The following RIMS2 variants were observed in gnomAD, a reference collection of about 807,000 sequenced individuals.
The protein encoded by RIMS2 is regulating synaptic membrane exocytosis protein 2.
In RIMS2, 59 loss-of-function variants were observed where a neutral mutation model predicts 174.4. The ratio of observed to expected loss-of-function variants is 0.34; its 90% confidence interval spans 0.27 to 0.42. The LOEUF (loss-of-function observed/expected upper bound fraction) is 0.42. Ranked by LOEUF, RIMS2 falls within the 10% of genes least tolerant of loss-of-function variation. The pLI is 1.00. For synonymous variants in RIMS2, 606 were observed against 572.5 expected (o/e 1.06, Z -0.84); for missense variants, 1,620 against 1,666.3 (o/e 0.97, Z 0.48).
intron 10 of RIMS2, among the ~76,000 whole-genome samples, chr8:103,923,602 T>C (rs1326742534): frequency 1.3e-5 from 2 of 151,932 alleles, no homozygotes; most frequent in African/African-American, 4.8e-5. Flanking sequence ...TCTTTAGATT[T>C]ATAAGTGATT....
At chr8:104,030,313 G>A (rs1030343593) in intron 19 of RIMS2, among the ~76,000 whole-genome samples, 3 of 152,022 alleles carry the variant, frequency 2.0e-5, no homozygotes, top group African/African-American at 4.8e-5. Context: ...TAGCAAGATC[G>A]TGTGGCTAAA....
rs34638633 is a variant in RIMS2 at position 104,025,708 on chromosome 8, TACAC to T, written c.3334+11115_3334+11118del. ...CACCCTGAAGCAGTTGTTAAACGTA[TACAC>T]ACACACACACACACACACACAGTAA... On this transcript the variant is annotated intron_variant, in intron 19 of 23. Transcript: ENST00000504942. Among the ~76,000 whole-genome samples, 8 of 149,370 alleles carry T rather than the reference TACAC, an allele frequency of 5.4e-5. No individual in the cohort carries two copies. The East Asian group carries it at 7.9e-4, about 15-fold the overall frequency.
intron 2 of RIMS2, among the ~76,000 whole-genome samples, chr8:103,735,172 C>T (rs1052717215): frequency 6.6e-6 from 1 of 152,136 alleles, no homozygotes; most frequent in Non-Finnish European, 1.5e-5. Context: ...TTTGCTTTCT[C>T]CTCAAAGAGC....
intron 19 of RIMS2, among the ~76,000 whole-genome samples, chr8:104,175,263 ACTTT>A (rs137888906): frequency 0.01 from 1,589 of 151,886 alleles, 20 homozygotes; most frequent in African/African-American, 0.035. Flanking sequence ...CAGGATCTTT[ACTTT>A]CTTTCTTTTT....
chr8:103,727,817 AC>A (rs1332276261), intron 2 of RIMS2, among the ~76,000 whole-genome samples: 1 of 152,104 alleles, frequency 6.6e-6, no homozygotes, highest in Admixed American at 6.6e-5. Flanking sequence ...TTATGTTAGT[AC>A]TGTGCTGTTT....
chr8:103,936,761 A>T (rs748397804), intron 13 of RIMS2, 39 bp downstream of exon 15: 27 of 1,435,310 alleles, frequency 1.9e-5, no homozygotes, highest in Middle Eastern at 3.6e-4. Flanking sequence ...TATTCATGTT[A>T]TCCTGAATAC....
chr8:103,762,883 A>G (rs147267281), intron 2 of RIMS2, among the ~76,000 whole-genome samples: 1 of 152,304 alleles, frequency 6.6e-6, no homozygotes, highest in East Asian at 1.9e-4. Context: ...AGGCAGTAGT[A>G]ACATAATTAA....
At chr8:104,242,909 A>C (rs1226795083) in intron 19 of RIMS2, among the ~76,000 whole-genome samples, 1 of 152,148 alleles carries the variant, frequency 6.6e-6, no homozygotes, top group Non-Finnish European at 1.5e-5. Context: ...TAACAATTAG[A>C]ATAATTTATG....
intron 1 of RIMS2, among the ~76,000 whole-genome samples, chr8:103,614,538 T>C (rs1324366069): frequency 6.6e-6 from 1 of 152,256 alleles, no homozygotes; most frequent in East Asian, 1.9e-4. Flanking sequence ...ATAGTGCTTT[T>C]GTGTGTGCCG....
chr8:103,732,572 T>C (rs2097617006), intron 2 of RIMS2, among the ~76,000 whole-genome samples: 1 of 152,106 alleles, frequency 6.6e-6, no homozygotes, highest in Non-Finnish European at 1.5e-5. Flanking sequence ...TCCAGAGATA[T>C]CATCTGGGAG....
rs145015697 is a variant in RIMS2 at position 104,135,961 on chromosome 8, G to A, written c.3335-108955G>A. The stretch of plus-strand genomic sequence containing the variant: ...CTGTTGGGGTAATCTTCTGGATAAT[G>A]TTATCCCCGTTTTATACAATATGGA... On this transcript the variant is annotated intron_variant, in intron 19 of 23. Coordinates refer to ENST00000504942, the Ensembl canonical transcript of RIMS2. Among the ~76,000 whole-genome samples the A allele has an allele frequency of 6.6e-5, 10 of 152,282 alleles. 1 individual carries two copies. The highest frequency in any genetic ancestry group is 3.4e-3 in the Middle Eastern group (1 of 294).
intron 1 of RIMS2, among the ~76,000 whole-genome samples, chr8:103,579,217 A>T (rs1395077283): frequency 4.0e-5 from 6 of 148,746 alleles, no homozygotes; most frequent in Non-Finnish European, 9.0e-5. Context: ...AGGGCAGCAT[A>T]GCAATACTCT....
chr8:103,596,498 A>T (rs1421111244), intron 1 of RIMS2, among the ~76,000 whole-genome samples: 1 of 152,060 alleles, frequency 6.6e-6, no homozygotes, highest in Non-Finnish European at 1.5e-5. Flanking sequence ...CATAAATGTA[A>T]ATATCTCAAA....
intron 18 of RIMS2, 91 bp from the exon 21 acceptor site, chr8:104,014,415 G>A (rs1419893298): frequency 4.5e-6 from 3 of 665,572 alleles, no homozygotes; most frequent in Non-Finnish European, 7.7e-6. Context: ...TTTTTAAATT[G>A]TATTTATACA....
intron 3 of RIMS2, among the ~76,000 whole-genome samples, chr8:103,784,931 C>T (rs1183303196): frequency 7.2e-6 from 1 of 138,736 alleles, no homozygotes; most frequent in African/African-American, 2.8e-5. Context: ...TGTTTGTATC[C>T]TCTTTTATTT....
chr8:103,805,059 G>A (rs544947470), intron 3 of RIMS2, among the ~76,000 whole-genome samples: 3 of 152,058 alleles, frequency 2.0e-5, no homozygotes, highest in East Asian at 3.9e-4. Flanking sequence ...CTCTTAAAGC[G>A]CTGGCATTAC....
chr8:104,054,836 A>G (rs1456301510), intron 19 of RIMS2, among the ~76,000 whole-genome samples: 1 of 152,122 alleles, frequency 6.6e-6, no homozygotes, highest in Non-Finnish European at 1.5e-5. Flanking sequence ...CTTATCTGAC[A>G]TGTGTGTTGT....
intron 3 of RIMS2, among the ~76,000 whole-genome samples, chr8:103,844,427 T>C (rs1000546918): frequency 6.6e-6 from 1 of 152,222 alleles, no homozygotes; most frequent in Non-Finnish European, 1.5e-5. Flanking sequence ...TTACTTCAGC[T>C]GTACTCAAAC....
chr8:103,847,667 C>A (rs186779308), intron 3 of RIMS2, among the ~76,000 whole-genome samples: 1 of 152,028 alleles, frequency 6.6e-6, no homozygotes, highest in East Asian at 1.9e-4. Flanking sequence ...CTGGCCTTTA[C>A]AAGGTGGAAG....
Sources: allele counts gnomAD v4.1 joint callset (sites outside exome capture counted in the v4.1 genomes callset), GRCh38; gene constraint gnomAD v4.1.1; transcripts MANE v1.5; gene names NCBI Gene and HGNC (gene_info 2026-07-23, HGNC 2026-07-21).